Variants in TOGARAM1 observed in about 807,000 individuals in gnomAD.
TOGARAM1 encodes TOG array regulator of axonemal microtubules protein 1.
Under a neutral mutation model 166.6 loss-of-function variants are expected in TOGARAM1, and 100 were observed. That is an observed-to-expected ratio of 0.60 (90% CI 0.51 to 0.71). The LOEUF is 0.71. Among genes scored for constraint, TOGARAM1 ranks in the 30% least tolerant of loss-of-function variants. TOGARAM1 has a pLI of 0.00. For missense variants in TOGARAM1, 2,029 were observed against 2,102.7 expected, an observed-to-expected ratio of 0.96 and a Z score of 0.69; for synonymous variants, 758 against 763.8, an observed-to-expected ratio of 0.99 and a Z score of 0.13.
At chr14:45,058,454 C>G (rs1486694958) in intron 16 of TOGARAM1, among the ~76,000 whole-genome samples, 1 of 152,014 alleles carries the variant, frequency 6.6e-6, no homozygotes, top group Non-Finnish European at 1.5e-5. Flanking sequence ...ACCATCATGC[C>G]CGGCTAATTT....
At chr14:45,007,338 C>G (rs1304939937) in intron 5 of TOGARAM1, 2 of 149,946 alleles carry the variant, frequency 1.3e-5, no homozygotes, top group African/African-American at 2.4e-5. Flanking sequence ...TTTTTTTTTC[C>G]CAACTCATTT....
At chr14:45,062,522 A>T (rs1447568317) in intron 16 of TOGARAM1, among the ~76,000 whole-genome samples, 1 of 152,174 alleles carries the variant, frequency 6.6e-6, no homozygotes, top group Non-Finnish European at 1.5e-5. Context: ...TATTTAAGAC[A>T]TGCAATTCAA....
At chr14:45,001,438 A>G (rs1260134467) in intron 3 of TOGARAM1, among the ~76,000 whole-genome samples, 1 of 152,234 alleles carries the variant, frequency 6.6e-6, no homozygotes, top group Non-Finnish European at 1.5e-5. Context: ...CTGCATGGCA[A>G]AGGAAACAGT....
chr14:44,994,220 C>T (rs1262681209), intron 1 of TOGARAM1, among the ~76,000 whole-genome samples: 2 of 152,094 alleles, frequency 1.3e-5, no homozygotes, highest in Non-Finnish European at 2.9e-5. Flanking sequence ...AGTTCTCCTG[C>T]CTCAGCCTCT....
rs774799569 is a variant in TOGARAM1, at chr14:44,963,265, C to G, written c.844C>G (p.Gln282Glu). 1.1e-5 allele frequency: 18 copies of G among 1,614,038 alleles called. No individual in the cohort carries two copies. The highest frequency in any genetic ancestry group is 1.4e-5 in the Non-Finnish European group (16 of 1,180,034). Residue 282 changes from glutamine (Q) to glutamate (E), a missense_variant, in exon 1 of 20, where the codon CAA (glutamine) becomes GAA (glutamate). By Grantham distance (29) the Gln-to-Glu change is conservative. Coordinates refer to ENST00000361462, the MANE Select transcript of TOGARAM1 (RefSeq NM_001308120.2). The part of the protein sequence containing the change: ...ESETAFSALQ[Q>E]IGERLGQDRF... ...TGAGACAGCTTTCTCCGCACTTCAA[C>G]AAATTGGGGAGCGACTTGGCCAAGA...
Position 44,964,422 on chromosome 14 carries a change from A to C in TOGARAM1, c.2001A>C (p.Gly667=). The C allele has an allele frequency of 6.2e-7, 1 of 1,606,540 alleles. No homozygotes were observed. The highest frequency in any genetic ancestry group is 8.5e-7 in the Non-Finnish European group (1 of 1,175,754). ...NKLPWENEQP[G]IMGENQTSTS... ...TACCATGGGAAAATGAGCAACCTGG[A>C]ATCATGGGAGAAAACCAGACCTCCA... Residue 667 remains glycine (G), a synonymous_variant, in exon 1 of 20, where the codon GGA becomes GGC. Transcript: ENST00000361462.
chr14:44,969,477 T>A (rs937385750), intron 1 of TOGARAM1, among the ~76,000 whole-genome samples: 1 of 152,130 alleles, frequency 6.6e-6, no homozygotes, highest in Non-Finnish European at 1.5e-5. Flanking sequence ...TTGAAAATAT[T>A]TTCTCCCACT....
intron 7 of TOGARAM1, among the ~76,000 whole-genome samples, chr14:45,024,327 T>G (rs974297139): frequency 3.3e-5 from 5 of 152,170 alleles, no homozygotes; most frequent in Non-Finnish European, 7.4e-5. Context: ...GATGGAAGTA[T>G]TATAACAAAG....
intron 19 of TOGARAM1, among the ~76,000 whole-genome samples, chr14:45,072,820 T>C (rs983293933): frequency 5.3e-5 from 8 of 151,880 alleles, no homozygotes; most frequent in Admixed American, 5.3e-4. Flanking sequence ...ATTATTTCAT[T>C]AGTAAAACGT....
chr14:44,974,721 T>C (rs1276428739), intron 1 of TOGARAM1, among the ~76,000 whole-genome samples: 1 of 152,000 alleles, frequency 6.6e-6, no homozygotes. Context: ...TATCTTAGCA[T>C]TTTAAAAAAG....
At chr14:45,056,605 T>C (rs769947775) in intron 16 of TOGARAM1, among the ~76,000 whole-genome samples, 11 of 152,214 alleles carry the variant, frequency 7.2e-5, no homozygotes, top group Non-Finnish European at 1.6e-4. Flanking sequence ...ATGCTTTTTC[T>C]GCTTCCTTTG....
In TOGARAM1 at chr14:44,973,538, GT is replaced by G. The variant is rs138687321; in HGVS notation, c.2046+9081del. Among the ~76,000 whole-genome samples the G allele has an allele frequency of 4.6e-3, 677 of 147,568 alleles. 5 individuals are homozygous for G. Among genetic ancestry groups the G allele is most frequent in the African/African-American group, 0.015 (612 of 40,432 alleles). On this transcript the variant is annotated intron_variant, in intron 1 of 19. Transcript: ENST00000361462. ...GATCTGTTAAAAATATGAAAAATAA[GT>G]TTTTTTTTTAACCTTTACTTATTCT...
At chr14:45,046,303 G>A (rs1026982148) in intron 13 of TOGARAM1, among the ~76,000 whole-genome samples, 4 of 152,118 alleles carry the variant, frequency 2.6e-5, no homozygotes, top group African/African-American at 9.7e-5. Flanking sequence ...GGGTGTGGTG[G>A]CACATGCCTG....
rs1437781060 is a variant in TOGARAM1, at chr14:44,963,771, G to A, written c.1350G>A (p.Val450=). ...SVKVLADNKL[V]IKQEYMKIFL... ...AAGTGCTGGCGGACAACAAGTTGGTGATCAAACAAGAATACATGAAAATCT... is the reference window on the plus strand; with the variant it reads ...AAGTGCTGGCGGACAACAAGTTGGTAATCAAACAAGAATACATGAAAATCT... The change falls in exon 1 of 20, where the codon GTG becomes GTA. Residue 450 remains valine (V), a synonymous_variant. Transcript: ENST00000361462. 5 of 1,613,824 alleles carry A rather than the reference G, an allele frequency of 3.1e-6. No individual in the cohort carries two copies. Among genetic ancestry groups the A allele is most frequent in the Non-Finnish European group, 4.2e-6 (5 of 1,179,878 alleles).
chr14:45,018,185 C>T (rs28622413), intron 7 of TOGARAM1, among the ~76,000 whole-genome samples: 24,302 of 151,862 alleles, frequency 0.16, 3,603 homozygotes, highest in African/African-American at 0.4. Flanking sequence ...CTGTTATTTT[C>T]ATGTGAATAG....
chr14:45,026,880 C>T (rs1337573818), intron 8 of TOGARAM1, among the ~76,000 whole-genome samples: 1 of 150,776 alleles, frequency 6.6e-6, no homozygotes, highest in Non-Finnish European at 1.5e-5. Context: ...TGGTGCTGTG[C>T]GTCTGTAGTC....
In TOGARAM1 at chr14:45,027,299, G is replaced by A; in HGVS notation, c.3329G>A (p.Gly1110Asp). Reference sequence around the variant, plus strand: ...CTATTTGGTGGTTGGTTGATTTCAGGCGTATTTGGAAGTTTAAGTTCAGCA... The same window carrying A: ...CTATTTGGTGGTTGGTTGATTTCAGACGTATTTGGAAGTTTAAGTTCAGCA... ...SEDSVVVVGK[G>D]VFGSLSSAPA... is the part of the protein sequence containing the mutation. Residue 1110 changes from glycine (G) to aspartate (D), a missense_variant and splice_region_variant, in exon 9 of 20, where the codon GGC (glycine) becomes GAC (aspartate). Around this residue, in one of 2 missense-constraint regions of TOGARAM1, gnomAD observed 1,453 missense variants for 1,432.2 expected, o/e 1.01. Coordinates refer to ENST00000361462, the MANE Select transcript of TOGARAM1 (RefSeq NM_001308120.2). 6.2e-7 allele frequency: 1 copy of A among 1,612,306 alleles called. No individual in the cohort carries two copies. The highest frequency in any genetic ancestry group is 8.5e-7 in the Non-Finnish European group (1 of 1,179,470).
At chr14:45,026,613 C>G (rs932239929) in intron 8 of TOGARAM1, among the ~76,000 whole-genome samples, 1 of 152,112 alleles carries the variant, frequency 6.6e-6, no homozygotes, top group African/African-American at 2.4e-5. Context: ...ACATCCCCAT[C>G]TCATAGATTT....
At chr14:45,044,573 GTTA>G in intron 12 of TOGARAM1, 59 bp from the exon 13 acceptor site, 5 of 1,195,644 alleles carry the variant, frequency 4.2e-6, no homozygotes, top group South Asian at 2.8e-5. Context: ...TCCTTTCCAA[GTTA>G]TTATTAGTGA....
Sources: gnomAD v4.1 joint callset for allele counts (sites outside exome capture counted in the v4.1 genomes callset) on GRCh38, gnomAD v4.1.1 for gene constraint, gnomAD v4.1.1 regional missense constraint, MANE v1.5 for transcripts, NCBI Gene and HGNC (gene_info 2026-07-23, HGNC 2026-07-21) for gene names.